The following SPATA16 variants were observed in gnomAD, a reference collection of about 807,000 sequenced individuals.
SPATA16 encodes the protein spermatogenesis-associated protein 16.
SPATA16 carries 36 observed loss-of-function variants against 63.3 expected under a neutral mutation model. The ratio of observed to expected loss-of-function variants is 0.57; its 90% CI spans 0.44 to 0.75. SPATA16 has a LOEUF of 0.75. Among genes scored for constraint, SPATA16 ranks in the 30% least tolerant of loss-of-function variants. The probability of loss-of-function intolerance (pLI) is 0.00; values close to 1 mark genes in which losing one functional copy is unlikely to be tolerated. For synonymous variants in SPATA16, 203 were observed against 216.7 expected (o/e 0.94, Z 0.56); for missense variants, 646 against 679.3 (o/e 0.95, Z 0.54).
At chr3:173,124,750 A>G (rs1054210348) in intron 1 of SPATA16, among the ~76,000 whole-genome samples, 1 of 152,152 alleles carries the variant, frequency 6.6e-6, no homozygotes, top group Non-Finnish European at 1.5e-5. Context: ...CTCACTTTGT[A>G]TGACACCATG....
At chr3:173,009,235 C>T (rs1033835797) in intron 4 of SPATA16, among the ~76,000 whole-genome samples, 1 of 152,324 alleles carries the variant, frequency 6.6e-6, no homozygotes, top group East Asian at 1.9e-4. Flanking sequence ...ATGCATCCTC[C>T]AGGAGGCCAA....
chr3:172,973,250 G>C (rs1368078415), intron 5 of SPATA16, among the ~76,000 whole-genome samples: 2 of 152,060 alleles, frequency 1.3e-5, no homozygotes, highest in African/African-American at 4.8e-5. Flanking sequence ...CAGATAAAAA[G>C]TAAGCATATA....
intron 10 of SPATA16, among the ~76,000 whole-genome samples, chr3:172,899,335 C>T (rs141414622): frequency 1.3e-3 from 200 of 152,020 alleles, no homozygotes; most frequent in African/African-American, 4.5e-3. Context: ...CACTTAGAAT[C>T]GCTTTGTCTT....
intron 2 of SPATA16, among the ~76,000 whole-genome samples, chr3:173,065,151 T>C (rs1297363140): frequency 6.6e-6 from 1 of 152,244 alleles, no homozygotes; most frequent in African/African-American, 2.4e-5. Context: ...GTAGGGCTAC[T>C]AAAACCATTT....
chr3:172,967,030 C>A (rs1733934079), intron 5 of SPATA16, among the ~76,000 whole-genome samples: 1 of 152,088 alleles, frequency 6.6e-6, no homozygotes, highest in African/African-American at 2.4e-5. Context: ...AAGGAGTCAA[C>A]ATGTTTGTAA....
intron 2 of SPATA16, among the ~76,000 whole-genome samples, chr3:173,069,900 A>G (rs190366017): frequency 2.0e-5 from 3 of 152,306 alleles, no homozygotes; most frequent in South Asian, 2.1e-4. Flanking sequence ...GATTACTTCA[A>G]TAGATGCTAG....
At position 173,048,760 on chromosome 3, in the gene SPATA16, A is replaced by G. The variant is rs182298056; in HGVS notation, c.758+189T>C. On this transcript the variant is annotated intron_variant, in intron 3 of 10. Transcript: ENST00000351008. The stretch of plus-strand genomic sequence containing the variant: ...ATTATGAATAGTTTCTTGTGTCTCT[A>G]TTTCTTCCAGTAGGTTTTGAGATTT... Among the ~76,000 whole-genome samples, 380 of 152,076 alleles carry G rather than the reference A, an allele frequency of 2.5e-3. 1 individual carries two copies. The highest frequency in any genetic ancestry group is 3.9e-3 in the South Asian group (19 of 4,814).
chr3:172,973,302 T>A (rs1215826109), intron 5 of SPATA16, among the ~76,000 whole-genome samples: 1 of 152,138 alleles, frequency 6.6e-6, no homozygotes, highest in Non-Finnish European at 1.5e-5. Context: ...TCTAGGTGGA[T>A]GCTTGTAAAT....
chr3:172,909,722 G>A (rs1209173760), intron 10 of SPATA16, among the ~76,000 whole-genome samples: 1 of 152,170 alleles, frequency 6.6e-6, no homozygotes, highest in East Asian at 1.9e-4. Context: ...CAGGAGTTTG[G>A]TCAACTCAAA....
At chr3:172,914,267 A>G (rs75031679) in intron 9 of SPATA16, among the ~76,000 whole-genome samples, 2,934 of 152,102 alleles carry the variant, frequency 0.019, 30 homozygotes, top group Middle Eastern at 0.058. Context: ...TTTTATTTTT[A>G]GGTCCCATTC....
chr3:172,893,887 G>A (rs1182857242), intron 10 of SPATA16, among the ~76,000 whole-genome samples: 2 of 152,196 alleles, frequency 1.3e-5, no homozygotes, highest in Non-Finnish European at 2.9e-5. Context: ...AGGATTAGGT[G>A]TGTTTATATG....
chr3:172,980,526 C>T (rs1734276940), intron 4 of SPATA16, among the ~76,000 whole-genome samples: 1 of 152,132 alleles, frequency 6.6e-6, no homozygotes, highest in Admixed American at 6.6e-5. Context: ...TGACGATCGG[C>T]GGCTTAACAT....
intron 1 of SPATA16, among the ~76,000 whole-genome samples, chr3:173,129,353 T>C (rs1194382725): frequency 6.6e-6 from 1 of 152,206 alleles, no homozygotes; most frequent in East Asian, 1.9e-4. Flanking sequence ...TTCAGCCAGA[T>C]TACTTAACTT....
intron 3 of SPATA16, among the ~76,000 whole-genome samples, chr3:173,048,172 G>A (rs1335569495): frequency 6.6e-6 from 1 of 152,070 alleles, no homozygotes; most frequent in Non-Finnish European, 1.5e-5. Flanking sequence ...ATGAGAAAAT[G>A]AACAACACAA....
rs1017450691 is a variant in SPATA16, at chr3:173,004,460, A to C, written c.848+15026T>G. Among the ~76,000 whole-genome samples, 24 of 151,670 alleles carry C rather than the reference A, an allele frequency of 1.6e-4. 1 individual carries two copies. Among genetic ancestry groups the C allele is most frequent in the Admixed American group, 7.9e-4 (12 of 15,242 alleles). On this transcript the variant is annotated intron_variant, in intron 4 of 10. Transcript: ENST00000351008. ...AAAAAAAAAAAAAACACCACCACCA[A>C]CAACAGCCAGACTCTTGCTTGCCCC...
chr3:173,054,030 T>C (rs1218303549), intron 2 of SPATA16, among the ~76,000 whole-genome samples: 1 of 151,990 alleles, frequency 6.6e-6, no homozygotes, highest in Non-Finnish European at 1.5e-5. Flanking sequence ...TTTTACAACA[T>C]AATTTTTCAT....
chr3:173,079,312 T>C (rs932659723), intron 2 of SPATA16, among the ~76,000 whole-genome samples: 3 of 152,148 alleles, frequency 2.0e-5, no homozygotes, highest in Admixed American at 6.5e-5. Flanking sequence ...TTGACAATGT[T>C]ATGGTGAACA....
intron 10 of SPATA16, 35 bp from the exon 11 acceptor site, chr3:172,889,727 G>A (rs1375974075): frequency 1.2e-6 from 2 of 1,609,074 alleles, no homozygotes; most frequent in Non-Finnish European, 8.5e-7. Flanking sequence ...AAGATTTGTT[G>A]TTGTTTTCCT....
chr3:173,069,109 C>CAAG (rs1736603338), intron 2 of SPATA16, among the ~76,000 whole-genome samples: 1 of 62,666 alleles, frequency 1.6e-5, no homozygotes, highest in African/African-American at 1.2e-4. Flanking sequence ...GACTCCGTCT[C>CAAG]AAGAAAAAAA....
Sources: gnomAD v4.1 joint callset for allele counts (sites outside exome capture counted in the v4.1 genomes callset) on GRCh38, gnomAD v4.1.1 for gene constraint, MANE v1.5 for transcripts, NCBI Gene and HGNC (gene_info 2026-07-23, HGNC 2026-07-21) for gene names.